Variants in PDE4D observed in about 807,000 individuals in gnomAD.
PDE4D encodes phosphodiesterase 4D.
Under a neutral mutation model 87.4 loss-of-function variants are expected in PDE4D, and 24 were observed. That is an observed-to-expected ratio of 0.27 (90% CI 0.20 to 0.39). PDE4D has a LOEUF of 0.39. PDE4D is among the 10% of genes least tolerant of loss of function. The pLI is 1.00. For synonymous variants in PDE4D, 384 were observed against 383.2 expected (o/e 1.00, Z -0.02); for missense variants, 714 against 1,041.0 (o/e 0.69, Z 4.32).
intron 1 of PDE4D, chr5:59,430,472 C>T (rs1795943705): frequency 1.6e-6 from 2 of 1,213,346 alleles, no homozygotes; most frequent in Admixed American, 4.2e-5. Context: ...ACCAGCATTC[C>T]TGGGAAGGCT....
In PDE4D at chr5:60,286,070, G is replaced by A. The variant is rs549804719; in HGVS notation, c.-89-100383C>T. On this transcript the variant is annotated intron_variant, in intron 1 of 16. Coordinates refer to the PDE4D transcript ENST00000502484. Reference sequence around the variant, plus strand: ...TTGGACAACTTCAGGCAAACAGGACGCCCGTTTAACACTACACGTTCTCTT... The same window carrying A: ...TTGGACAACTTCAGGCAAACAGGACACCCGTTTAACACTACACGTTCTCTT... Among the ~76,000 whole-genome samples, 135 of 152,128 alleles carry A rather than the reference G, an allele frequency of 8.9e-4. 1 individual carries two copies. The highest frequency in any genetic ancestry group is 1.6e-3 in the Non-Finnish European group (111 of 68,004).
At chr5:60,490,470 T>C (rs1749472844), upstream of PDE4D, 1 of 152,178 alleles carries the variant, frequency 6.6e-6, no homozygotes, top group South Asian at 2.1e-4. Flanking sequence ...AACTAAAAAA[T>C]ATACATACTA....
chr5:59,837,876 A>T (rs959064793), intron 1 of PDE4D, among the ~76,000 whole-genome samples: 1 of 152,058 alleles, frequency 6.6e-6, no homozygotes, highest in African/African-American at 2.4e-5. Flanking sequence ...ATTCTTCTAT[A>T]CATTATCCAC....
At chr5:59,920,798 G>A (rs1754575214) in intron 3 of PDE4D, among the ~76,000 whole-genome samples, 1 of 149,808 alleles carries the variant, frequency 6.7e-6, no homozygotes, top group South Asian at 2.1e-4. Context: ...CTCATAGGTG[G>A]GAACTGAACA....
At chr5:59,497,287 G>A (rs1396963714) in intron 1 of PDE4D, among the ~76,000 whole-genome samples, 2 of 152,120 alleles carry the variant, frequency 1.3e-5, no homozygotes, top group South Asian at 2.1e-4. Context: ...AAATGTCAGA[G>A]TGTTTTACCA....
chr5:59,611,035 G>A (rs1257279404), intron 1 of PDE4D, among the ~76,000 whole-genome samples: 4 of 152,056 alleles, frequency 2.6e-5, no homozygotes, highest in Admixed American at 6.6e-5. Flanking sequence ...TCATGGATTC[G>A]TACTGAACCT....
At chr5:60,026,222 A>G (rs1766606388) in intron 2 of PDE4D, among the ~76,000 whole-genome samples, 2 of 152,196 alleles carry the variant, frequency 1.3e-5, no homozygotes, top group African/African-American at 4.8e-5. Flanking sequence ...AAATATTTCC[A>G]TGGGAATGTT....
intron 1 of PDE4D, among the ~76,000 whole-genome samples, chr5:60,377,409 A>G (rs1004158454): frequency 1.6e-4 from 25 of 152,238 alleles, no homozygotes; most frequent in African/African-American, 5.8e-4. Flanking sequence ...AAGGGATTGA[A>G]GGATTGTTCT....
At chr5:59,742,103 G>T (rs529881323) in intron 1 of PDE4D, among the ~76,000 whole-genome samples, 1 of 151,858 alleles carries the variant, frequency 6.6e-6, no homozygotes, top group Non-Finnish European at 1.5e-5. Flanking sequence ...TGCTCTTGTC[G>T]CCCAGGCTGG....
chr5:59,172,523 C>T (rs958254164), intron 5 of PDE4D, among the ~76,000 whole-genome samples: 1 of 148,982 alleles, frequency 6.7e-6, no homozygotes, highest in Non-Finnish European at 1.5e-5. Flanking sequence ...GGCAAAACGC[C>T]GCCTCTACAA....
At chr5:59,055,647 C>A (rs1280583477) in intron 5 of PDE4D, among the ~76,000 whole-genome samples, 1 of 152,108 alleles carries the variant, frequency 6.6e-6, no homozygotes, top group African/African-American at 2.4e-5. Context: ...GCAGGGAGGC[C>A]CTCCAGGGTG....
Position 59,492,789 on chromosome 5 carries a change from G to A in PDE4D, c.456-276821C>T, listed in dbSNP as rs972383648. Among the ~76,000 whole-genome samples, 74 of 152,260 alleles carry A rather than the reference G, an allele frequency of 4.9e-4. 1 individual carries two copies. Among genetic ancestry groups the A allele is most frequent in the African/African-American group, 1.7e-3 (70 of 41,552 alleles). ...GTGTCCTGGGAGGCAATCGAATTATGGGGTGGGTCTTTCTCGTGCTGTTCT... is the reference window on the plus strand; with the variant it reads ...GTGTCCTGGGAGGCAATCGAATTATAGGGTGGGTCTTTCTCGTGCTGTTCT... On this transcript the variant is annotated intron_variant, in intron 1 of 14. Coordinates refer to ENST00000340635, the MANE Select transcript of PDE4D (RefSeq NM_001104631.2).
intron 2 of PDE4D, among the ~76,000 whole-genome samples, chr5:60,142,698 C>T (rs545159955): frequency 3.3e-5 from 5 of 152,126 alleles, no homozygotes; most frequent in Non-Finnish European, 5.9e-5. Flanking sequence ...GGCCAGATGA[C>T]GGAGAACCTG....
At chr5:60,203,589 C>T (rs2149551457) in intron 1 of PDE4D, among the ~76,000 whole-genome samples, 1 of 152,284 alleles carries the variant, frequency 6.6e-6, no homozygotes, top group African/African-American at 2.4e-5. Context: ...CTACAGCGAA[C>T]ACGTGGGCTA....
At chr5:59,902,621 C>A (rs989693763) in intron 3 of PDE4D, among the ~76,000 whole-genome samples, 1 of 152,008 alleles carries the variant, frequency 6.6e-6, no homozygotes, top group Non-Finnish European at 1.5e-5. Context: ...GCTCTATAAC[C>A]TACATATGTT....
intron 1 of PDE4D, among the ~76,000 whole-genome samples, chr5:59,225,800 AC>A (rs140217434): frequency 1.3e-5 from 2 of 150,634 alleles, no homozygotes; most frequent in Admixed American, 6.6e-5. Flanking sequence ...CAATAGCAAA[AC>A]CCCCCCAAAA....
chr5:60,174,583 G>A (rs938943874), intron 2 of PDE4D, among the ~76,000 whole-genome samples: 2 of 152,076 alleles, frequency 1.3e-5, no homozygotes, highest in Admixed American at 6.6e-5. Context: ...GGATATAGGT[G>A]CATATTACTT....
intron 3 of PDE4D, among the ~76,000 whole-genome samples, chr5:59,941,472 T>C (rs1757172268): frequency 6.6e-6 from 1 of 152,256 alleles, no homozygotes; most frequent in Admixed American, 6.5e-5. Flanking sequence ...TTAGCCTGTA[T>C]CTTGACTCTC....
At chr5:59,199,690 T>C (rs565110117) in intron 2 of PDE4D, among the ~76,000 whole-genome samples, 1 of 152,196 alleles carries the variant, frequency 6.6e-6, no homozygotes, top group East Asian at 1.9e-4. Flanking sequence ...AAAATATTTC[T>C]GGGAGCCTAG....
Sources: gnomAD v4.1 joint callset for allele counts (sites outside exome capture counted in the v4.1 genomes callset) on GRCh38, gnomAD v4.1.1 for gene constraint, MANE v1.5 for transcripts, NCBI Gene and HGNC (gene_info 2026-07-23, HGNC 2026-07-21) for gene names.